The following SRPK1 variants were observed in gnomAD, a reference collection of about 807,000 sequenced individuals.
SRPK1 encodes the protein SRSF protein kinase 1, also known as SFRS protein kinase 1.
A neutral mutation model predicts 89.5 loss-of-function variants in SRPK1; 52 were observed. The ratio of observed to expected loss-of-function variants is 0.58; its 90% CI spans 0.46 to 0.73. The LOEUF (loss-of-function observed/expected upper bound fraction) is 0.73. Among genes scored for constraint, SRPK1 ranks in the 30% least tolerant of loss-of-function variants. SRPK1 has a pLI of 0.00. For missense variants in SRPK1, 603 were observed against 780.6 expected, an observed-to-expected ratio of 0.77 and a Z score of 2.71; for synonymous variants, 255 against 270.2, an observed-to-expected ratio of 0.94 and a Z score of 0.55.
At chr6:35,908,178 C>A (rs989217809) in intron 2 of SRPK1, among the ~76,000 whole-genome samples, 8 of 152,036 alleles carry the variant, frequency 5.3e-5, no homozygotes, top group Non-Finnish European at 8.8e-5. Context: ...GAGTGGGGTA[C>A]TGCTATAAAG....
At chr6:35,852,412 TAGCGGAACACTG>T (rs1769574360) in intron 13 of SRPK1, among the ~76,000 whole-genome samples, 1 of 152,204 alleles carries the variant, frequency 6.6e-6, no homozygotes, top group African/African-American at 2.4e-5. Flanking sequence ...TACCTCTGTT[TAGCGGAACACTG>T]GCAGCAAAAA....
chr6:35,838,642 A>G (rs2151077522), intron 14 of SRPK1: 1 of 1,549,992 alleles, frequency 6.5e-7, no homozygotes, highest in Non-Finnish European at 8.7e-7. Flanking sequence ...TGATAACTAA[A>G]AACAATCTTG....
chr6:35,880,828 G>T (rs540779292), intron 6 of SRPK1, among the ~76,000 whole-genome samples: 1 of 139,892 alleles, frequency 7.1e-6, no homozygotes, highest in Non-Finnish European at 1.6e-5. Context: ...CAAATTAGAT[G>T]AAAGACATGA....
At position 35,839,638 on chromosome 6, in the gene SRPK1, C is replaced by A. The variant is rs571691195; in HGVS notation, c.1691-1209G>T. Among the ~76,000 whole-genome samples the A allele has an allele frequency of 4.5e-4, 61 of 135,350 alleles. No homozygotes were observed. The East Asian group carries it at 5.0e-3, about 11-fold the overall frequency. 88.8% of individuals were successfully genotyped at this position (135,350 alleles called of 152,430 possible). ...CCTCAGGTAGATCTACTGCCCCCCCCCTTTTTTTTTTCTCTCTGCAGGTGA... is the reference window on the plus strand; with the variant it reads ...CCTCAGGTAGATCTACTGCCCCCCCACTTTTTTTTTTCTCTCTGCAGGTGA... On this transcript the variant is annotated intron_variant, in intron 14 of 15. Coordinates refer to ENST00000373825, the MANE Select transcript of SRPK1 (RefSeq NM_003137.5).
chr6:35,871,134 GA>G, intron 8 of SRPK1, 175 bp from the exon 9 acceptor site: 1 of 399,138 alleles, frequency 2.5e-6, no homozygotes, highest in Non-Finnish European at 4.5e-6. Context: ...CATTTTTAAA[GA>G]AAATAATGAA....
intron 6 of SRPK1, among the ~76,000 whole-genome samples, chr6:35,876,560 T>C (rs1327147506): frequency 6.6e-6 from 1 of 152,124 alleles, no homozygotes; most frequent in East Asian, 1.9e-4. Flanking sequence ...GAGGATCACC[T>C]GAGCCCAGGA....
chr6:35,866,456 G>A (rs1409552889), intron 12 of SRPK1, among the ~76,000 whole-genome samples: 1 of 152,118 alleles, frequency 6.6e-6, no homozygotes, highest in Non-Finnish European at 1.5e-5. Context: ...GTGGCGGCAC[G>A]TGCCTGTAGT....
At chr6:35,915,262 C>G (rs1378064449) in intron 2 of SRPK1, among the ~76,000 whole-genome samples, 1 of 151,908 alleles carries the variant, frequency 6.6e-6, no homozygotes, top group Non-Finnish European at 1.5e-5. Flanking sequence ...ACAAAATTAG[C>G]CAGGCATGGT....
chr6:35,879,013 C>A (rs956619461), intron 6 of SRPK1, among the ~76,000 whole-genome samples: 3 of 151,834 alleles, frequency 2.0e-5, no homozygotes, highest in East Asian at 3.9e-4. Flanking sequence ...ATCACTTAAA[C>A]CCAGGAGGCG....
chr6:35,846,906 T>C (rs1025358651), intron 13 of SRPK1, among the ~76,000 whole-genome samples: 1 of 152,174 alleles, frequency 6.6e-6, no homozygotes, highest in Non-Finnish European at 1.5e-5. Context: ...AAAAACCATA[T>C]GATCATCTTA....
intron 13 of SRPK1, among the ~76,000 whole-genome samples, chr6:35,853,448 T>C (rs966247554): frequency 1.4e-4 from 22 of 152,324 alleles, no homozygotes; most frequent in Admixed American, 5.2e-4. Flanking sequence ...GTAAAGTACT[T>C]GAGCACCTGT....
chr6:35,874,343 G>A lies in SRPK1; in HGVS notation c.479-4C>T, dbSNP rs1770108813. Reference sequence around the variant, plus strand: ...ACTTCAAATACCATGCAGATATCTAGGAATTCATTAAGGAGGGAAAAAACG... The same window carrying A: ...ACTTCAAATACCATGCAGATATCTAAGAATTCATTAAGGAGGGAAAAAACG... On this transcript the variant is annotated splice_region_variant and splice_polypyrimidine_tract_variant and intron_variant, in intron 6 of 15. Coordinates refer to ENST00000373825, the MANE Select transcript of SRPK1 (RefSeq NM_003137.5). 1 of 1,606,494 alleles carries A rather than the reference G, an allele frequency of 6.2e-7. No individual in the cohort carries two copies. Among genetic ancestry groups the A allele is most frequent in the Non-Finnish European group, 8.5e-7 (1 of 1,174,748 alleles).
chr6:35,920,649 GGCTCCGGCGAGGC>G, intron 1 of SRPK1, 121 bp from the exon 2 acceptor site: 2 of 726,374 alleles, frequency 2.8e-6, no homozygotes, highest in South Asian at 9.2e-5. Context: ...GGCGGCTGCG[GGCTCCGGCGAGGC>G]GGCCGGCCGT....
chr6:35,869,264 G>A (rs1233749258), intron 11 of SRPK1, 154 bp from the exon 12 acceptor site: 1 of 869,416 alleles, frequency 1.2e-6, no homozygotes. Context: ...AACGCCTTGA[G>A]TTTCCAGAAT....
At chr6:35,838,706 C>A in intron 14 of SRPK1, 1 of 1,453,924 alleles carries the variant, frequency 6.9e-7, no homozygotes, top group Non-Finnish European at 9.3e-7. Flanking sequence ...ACAATACTAC[C>A]TCTGTGACTG....
intron 12 of SRPK1, among the ~76,000 whole-genome samples, chr6:35,859,445 A>G (rs2151085065): frequency 6.6e-6 from 1 of 152,344 alleles, no homozygotes. Context: ...TACTTCAGGG[A>G]TTAGTTTCAG....
chr6:35,845,096 A>C (rs1398930761), intron 13 of SRPK1, among the ~76,000 whole-genome samples: 2 of 152,212 alleles, frequency 1.3e-5, no homozygotes, highest in Non-Finnish European at 2.9e-5. Context: ...CATTATGGAG[A>C]CAATAAAAAT....
intron 13 of SRPK1, among the ~76,000 whole-genome samples, chr6:35,851,590 G>A (rs1769556682): frequency 6.6e-6 from 1 of 152,192 alleles, no homozygotes; most frequent in African/African-American, 2.4e-5. Flanking sequence ...CTTTTAGTCT[G>A]AATGGCTGGG....
rs139454218 is a variant in SRPK1, at chr6:35,870,845, C to T, written c.777+89G>A. The T allele has an allele frequency of 2.7e-3, 3,177 of 1,197,390 alleles. 17 individuals carry two copies. Among genetic ancestry groups the T allele is most frequent in the African/African-American group, 0.02 (1,314 of 64,700 alleles). 74.2% of individuals were successfully genotyped at this position (1,197,390 alleles called of 1,614,324 possible). A position where few individuals can be genotyped will look rare whatever the true frequency, so the allele number is the denominator to read the frequency against. On this transcript the variant is annotated intron_variant, in intron 9 of 15. Transcript: ENST00000373825. ...ATTTTTTTTCCTTTTGGTTCTCAAA[C>T]TTGAAACAAACTGTTACCATCCACA...
Sources: gnomAD v4.1 joint callset for allele counts (sites outside exome capture counted in the v4.1 genomes callset) on GRCh38, gnomAD v4.1.1 for gene constraint, MANE v1.5 for transcripts, NCBI Gene and HGNC (gene_info 2026-07-23, HGNC 2026-07-21) for gene names.